MCOLN1: variants seen among roughly 807,000 people sequenced by gnomAD.
MCOLN1 encodes mucolipin TRP cation channel 1.
In MCOLN1, 50 loss-of-function variants were observed where a neutral mutation model predicts 70.3. The observed-to-expected ratio is 0.71, with a 90% CI of 0.57 to 0.90. The LOEUF (loss-of-function observed/expected upper bound fraction) is 0.90, where lower values mean the gene tolerates loss of function less well. Ranked by LOEUF, MCOLN1 falls within the 40% of genes least tolerant of loss-of-function variation. MCOLN1 has a pLI of 0.00. For missense variants in MCOLN1, 598 were observed against 803.5 expected (o/e 0.74, Z 3.09); for synonymous variants, 366 against 341.0 (o/e 1.07, Z -0.81).
At position 7,529,728 on chromosome 19, in the gene MCOLN1, G is replaced by C; in HGVS notation, c.1359+16G>C. On this transcript the variant is annotated intron_variant, in intron 11 of 13. Coordinates refer to ENST00000264079, the MANE Select transcript of MCOLN1 (RefSeq NM_020533.3). The stretch of plus-strand genomic sequence containing the variant: ...TCATGTGAAGGTACATCTAACCCCT[G>C]ATGTCCCTGACATTGACCCTGTGAC... 6.2e-7 allele frequency: 1 copy of C among 1,613,868 alleles called. No individual in the cohort carries two copies. Among genetic ancestry groups the C allele is most frequent in the Admixed American group, 1.7e-5 (1 of 60,024 alleles).
intron 12 of MCOLN1, among the ~76,000 whole-genome samples, chr19:7,531,325 T>C (rs189580901): frequency 9.5e-4 from 145 of 152,262 alleles, no homozygotes; most frequent in African/African-American, 3.4e-3. Flanking sequence ...CTCAGCCTCC[T>C]GAGTAGCTGG....
Position 7,528,290 on chromosome 19 carries a change from A to G in MCOLN1, c.877+33A>G, listed in dbSNP as rs372545808. On this transcript the variant is annotated intron_variant, in intron 7 of 13. Transcript: ENST00000264079. This position sits in a 1 kb window ranked among gnomAD's most constrained non-coding sequence, Gnocchi z 4.2. ...CCTGAGCCCCAGACCAGCACTGACC[A>G]GGGGCCCTGGCCTGTCCTGGGATTC... 4 of 1,590,234 alleles carry G rather than the reference A, an allele frequency of 2.5e-6. No individual in the cohort carries two copies. Among genetic ancestry groups the G allele is most frequent in the African/African-American group, 2.7e-5 (2 of 74,276 alleles).
intron 12 of MCOLN1, among the ~76,000 whole-genome samples, chr19:7,530,860 C>T (rs1430034496): frequency 1.3e-5 from 2 of 152,270 alleles, no homozygotes; most frequent in East Asian, 1.9e-4. Context: ...TCTGTCTCAG[C>T]CTCCTGAGTA....
chr19:7,528,195 C>G lies in MCOLN1; in HGVS notation c.815C>G (p.Pro272Arg), dbSNP rs183077397. 440 of 1,614,108 alleles carry G rather than the reference C, an allele frequency of 2.7e-4. 3 individuals carry two copies. In the East Asian group the frequency reaches 9.6e-3, roughly 35 times the overall value. The part of the protein sequence containing the change: ...FDNKAHSGRI[P>R]ISLETQAHIQ... Reference sequence around the variant, plus strand: ...AACAAAGCACACAGTGGGCGGATCCCCATCAGCCTGGAGACCCAGGCCCAC... The same window carrying G: ...AACAAAGCACACAGTGGGCGGATCCGCATCAGCCTGGAGACCCAGGCCCAC... The change falls in exon 7 of 14, where the codon CCC becomes CGC. Residue 272 changes from proline (P) to arginine (R), a missense_variant. By Grantham distance (103) the Pro-to-Arg change is moderately radical (BLOSUM62 -2). Around this residue, in one of 3 missense-constraint regions of MCOLN1, gnomAD observed 461 missense variants for 588.4 expected, o/e 0.78. Transcript: ENST00000264079. This position sits in a 1 kb window ranked among gnomAD's most constrained non-coding sequence, Gnocchi z 4.2.
In MCOLN1 at chr19:7,530,354, GTTCGCCGCC is replaced by G; in HGVS notation, c.1429_1437del (p.Phe477_Ala479del). The G allele has an allele frequency of 6.2e-7, 1 of 1,613,856 alleles. No individual in the cohort carries two copies. Among genetic ancestry groups the G allele is most frequent in the Non-Finnish European group, 8.5e-7 (1 of 1,180,038 alleles). On this transcript the variant is annotated inframe_deletion, in exon 12 of 14. Transcript: ENST00000264079. The stretch of plus-strand genomic sequence containing the variant: ...TCAATGGGGACGACATGTTTGTGAC[GTTCGCCGCC>G]ATGCAGGCGCAGCAGGGCCGCAGCA...
rs1326290617 is a variant in MCOLN1 at position 7,526,714 on chromosome 19, G to A, written c.406-47G>A. The A allele has an allele frequency of 2.5e-6, 4 of 1,608,716 alleles. No individual in the cohort carries two copies. Among genetic ancestry groups the A allele is most frequent in the Non-Finnish European group, 3.4e-6 (4 of 1,179,508 alleles). On this transcript the variant is annotated intron_variant, in intron 3 of 13. Transcript: ENST00000264079. This position sits in a 1 kb window ranked among gnomAD's most constrained non-coding sequence, Gnocchi z 4.6. The stretch of plus-strand genomic sequence containing the variant: ...GCGGGCAGGTGCAGGTGGGTGGGCT[G>A]CAGAGAGCGGGCCGGACTCACAGGC...
chr19:7,522,661 G>C lies in MCOLN1; in HGVS notation c.-90G>C, dbSNP rs2022510176. The C allele has an allele frequency of 1.5e-6, 2 of 1,340,744 alleles. No homozygotes were observed. The highest frequency in any genetic ancestry group is 5.6e-5 in the Admixed American group (2 of 35,838). The allele number at this position is 1,340,744 out of a possible 1,614,324, so 83.1% of individuals were successfully genotyped here. On this transcript the variant is annotated 5_prime_UTR_variant, in exon 1 of 14. Coordinates refer to ENST00000264079, the MANE Select transcript of MCOLN1 (RefSeq NM_020533.3). ...ATGCCGGAGGGTTTGAAGCCGCGCC[G>C]CGAGGGAGCGAGGTCGCAGTGACAG...
chr19:7,529,836 C>A (rs930972542), intron 11 of MCOLN1, 124 bp downstream of exon 11: 48 of 1,163,944 alleles, frequency 4.1e-5, no homozygotes, highest in Middle Eastern at 1.9e-4. Context: ...TCCTTGGTGA[C>A]CCTGACACTG....
At position 7,530,396 on chromosome 19, in the gene MCOLN1, G is replaced by A. The variant is rs1381086540; in HGVS notation, c.1470G>A (p.Val490=). 1.9e-6 allele frequency: 3 copies of A among 1,613,696 alleles called. No individual in the cohort carries two copies. In the African/African-American group the frequency reaches 4.0e-5, roughly 22 times the overall value. ...MQAQQGRSSL[V]WLFSQLYLYS... ...CGCAGCAGGGCCGCAGCAGCCTGGT[G>A]TGGCTCTTCTCCCAGCTCTACCTTT... Residue 490 remains valine (V), a synonymous_variant, in exon 12 of 14, where the codon GTG becomes GTA. Coordinates refer to ENST00000264079, the MANE Select transcript of MCOLN1 (RefSeq NM_020533.3).
intron 5 of MCOLN1, 39 bp from the exon 6 acceptor site, chr19:7,527,825 C>T (rs753614264): frequency 7.2e-6 from 11 of 1,523,108 alleles, no homozygotes; most frequent in Admixed American, 3.3e-5. Flanking sequence ...GGAAGGGACC[C>T]GAAGACGCCC....
intron 10 of MCOLN1, 89 bp from the exon 11 acceptor site, chr19:7,529,501 G>GGGGCCCCC: frequency 8.0e-6 from 6 of 747,248 alleles, no homozygotes; most frequent in Non-Finnish European, 9.2e-6. Flanking sequence ...CCTCGGCAAG[G>GGGGCCCCC]CCCCGCCCCT....
At position 7,528,839 on chromosome 19, in the gene MCOLN1, T is replaced by A. The variant is rs1208662675; in HGVS notation, c.1003T>A (p.Trp335Arg). ...LLQNEFVGFM[W>R]RQRGRVISLW... is the part of the protein sequence containing the mutation. ...TCTGCAGGAGTTTGTGGGGTTCATG[T>A]GGCGGCAGCGGGGACGGGTCATCAG... The change falls in exon 9 of 14, where the codon TGG (tryptophan) becomes AGG (arginine). Residue 335 changes from tryptophan to arginine, a missense_variant. Around this residue, in one of 3 missense-constraint regions of MCOLN1, gnomAD observed 461 missense variants for 588.4 expected, o/e 0.78. Transcript: ENST00000264079. This position sits in a 1 kb window ranked among gnomAD's most constrained non-coding sequence, Gnocchi z 4.2. 6.2e-7 allele frequency: 1 copy of A among 1,614,188 alleles called. No homozygotes were observed. The highest frequency in any genetic ancestry group is 8.5e-7 in the Non-Finnish European group (1 of 1,180,016).
chr19:7,528,057 G>A lies in MCOLN1; in HGVS notation c.777+97G>A. 1 of 1,522,760 alleles carries A rather than the reference G, an allele frequency of 6.6e-7. No individual in the cohort carries two copies. 94.3% of individuals were successfully genotyped at this position (1,522,760 alleles called of 1,614,324 possible). ...GCACTGGCCAAGGGCAAGCGTGCGG[G>A]TGATGAGGGAGGGAGCCCGGGGTCT... On this transcript the variant is annotated intron_variant, in intron 6 of 13. Coordinates refer to ENST00000264079, the MANE Select transcript of MCOLN1 (RefSeq NM_020533.3). The surrounding 1 kb of genome is among the most constrained non-coding windows in gnomAD (Gnocchi z 4.2).
At position 7,524,038 on chromosome 19, in the gene MCOLN1, G is replaced by A. The variant is rs911973173; in HGVS notation, c.32-923G>A. 2.7e-5 allele frequency among the ~76,000 whole-genome samples: 4 copies of A among 147,596 alleles called. No individual in the cohort carries two copies. The highest frequency in any genetic ancestry group is 6.5e-3 in the Middle Eastern group (2 of 308). ...TCACACCTGACTATTTAAAAAAAAT[G>A]TTTTTTTTTTGTAGACAGGGAGGTC... On this transcript the variant is annotated intron_variant, in intron 1 of 13. Transcript: ENST00000264079. The surrounding 1 kb of genome is among the most constrained non-coding windows in gnomAD (Gnocchi z 4.1).
At chr19:7,532,308 T>G (rs2022663873) in intron 12 of MCOLN1, among the ~76,000 whole-genome samples, 1 of 152,164 alleles carries the variant, frequency 6.6e-6, no homozygotes, top group Admixed American at 6.6e-5. Context: ...AGTGGAAGGT[T>G]GCAGAGGGAC....
rs2022639584 is a variant in MCOLN1 at position 7,530,448 on chromosome 19, A to G, written c.1522A>G (p.Met508Val). ...CTCCTTCATCAGCCTCTTCATCTAC[A>G]TGGTGCTCAGCCTCTTCATCGCGCT... ...LYSFISLFIY[M>V]VLSLFIALIT... The change falls in exon 12 of 14, where the codon ATG becomes GTG. Residue 508 changes from methionine to valine, a missense_variant. Met to Val is a conservative substitution (Grantham distance 21, BLOSUM62 1). Around this residue, in one of 3 missense-constraint regions of MCOLN1, gnomAD observed 78 missense variants for 156.2 expected, o/e 0.50. Transcript: ENST00000264079. The G allele has an allele frequency of 6.2e-7, 1 of 1,612,902 alleles. No homozygotes were observed. Among genetic ancestry groups the G allele is most frequent in the African/African-American group, 1.3e-5 (1 of 74,898 alleles).
chr19:7,529,510 C>CCA, intron 10 of MCOLN1, 80 bp from the exon 11 acceptor site: 1 of 912,886 alleles, frequency 1.1e-6, no homozygotes, highest in Non-Finnish European at 1.7e-6. Context: ...GGCCCCGCCC[C>CCA]TCCCACCCCC....
rs2305888 is a variant in MCOLN1 at position 7,530,273 on chromosome 19, G to A, written c.1360-13G>A. 8.9e-3 allele frequency: 14,267 copies of A among 1,609,886 alleles called. 1,172 individuals are homozygous for A. The Admixed American group carries it at 0.18, about 20-fold the overall frequency. ...TGCCTTGGCTCCCTCTGACCCCGCC[G>A]CCCCTCTGGCAGTTCCGCTCACTCT... On this transcript the variant is annotated splice_polypyrimidine_tract_variant and intron_variant, in intron 11 of 13. Coordinates refer to ENST00000264079, the MANE Select transcript of MCOLN1 (RefSeq NM_020533.3).
Position 7,530,317 on chromosome 19 carries a change from T to C in MCOLN1, c.1391T>C (p.Leu464Pro). 1 of 1,613,546 alleles carries C rather than the reference T, an allele frequency of 6.2e-7. No individual in the cohort carries two copies. The highest frequency in any genetic ancestry group is 8.5e-7 in the Non-Finnish European group (1 of 1,180,040). The change falls in exon 12 of 14, where the codon CTG (leucine) becomes CCG (proline). Residue 464 changes from leucine (L) to proline (P), a missense_variant. Physicochemically the swap from Leu to Pro is moderately conservative, Grantham distance 98. This residue lies in a region of MCOLN1 where 78 missense variants were observed against 156.2 expected (regional missense o/e 0.50). Coordinates refer to ENST00000264079, the MANE Select transcript of MCOLN1 (RefSeq NM_020533.3). ...TCACTCTCCATGGTGTCTGAGTGCC[T>C]GTTCTCGCTCATCAATGGGGACGAC... ...FRSLSMVSEC[L>P]FSLINGDDMF... is the part of the protein sequence containing the mutation.
Sources: gnomAD v4.1 joint callset for allele counts (sites outside exome capture counted in the v4.1 genomes callset) on GRCh38, gnomAD v4.1.1 for gene constraint, gnomAD v4.1.1 regional missense constraint, Gnocchi (gnomAD v3.1) non-coding constraint, MANE v1.5 for transcripts, NCBI Gene and HGNC (gene_info 2026-07-23, HGNC 2026-07-21) for gene names.